INVS: variants seen among roughly 807,000 people sequenced by gnomAD.
INVS encodes inversion of embryo turning homolog.
INVS carries 86 observed loss-of-function variants against 108.8 expected under a neutral mutation model. The observed-to-expected ratio is 0.79, with a 90% CI of 0.66 to 0.95. The LOEUF (loss-of-function observed/expected upper bound fraction) is 0.95. Ranked by LOEUF, INVS falls within the 40% of genes least tolerant of loss-of-function variation. The pLI, the probability that INVS is intolerant of heterozygous loss-of-function variation, is 0.00. For missense variants in INVS, 1,169 were observed against 1,297.4 expected (o/e 0.90, Z 1.52); for synonymous variants, 455 against 473.5 (o/e 0.96, Z 0.51).
At chr9:100,159,671 C>T (rs1041829489) in intron 3 of INVS, among the ~76,000 whole-genome samples, 2 of 152,150 alleles carry the variant, frequency 1.3e-5, no homozygotes, top group Non-Finnish European at 2.9e-5. Flanking sequence ...TTTAAAATAT[C>T]TTCATCACTG....
chr9:100,152,463 T>G (rs1194578932), intron 3 of INVS, among the ~76,000 whole-genome samples: 1 of 152,216 alleles, frequency 6.6e-6, no homozygotes, highest in African/African-American at 2.4e-5. Flanking sequence ...TAAACTTCAC[T>G]AATTTAAAAA....
At chr9:100,181,369 C>G (rs1229030773) in intron 3 of INVS, among the ~76,000 whole-genome samples, 1 of 152,108 alleles carries the variant, frequency 6.6e-6, no homozygotes, top group Non-Finnish European at 1.5e-5. Flanking sequence ...TTTAGAAAAT[C>G]CCATCATCTC....
rs112093061 is a variant in INVS, at chr9:100,126,604, G to A, written c.273+55G>A. 5.1e-5 allele frequency: 77 copies of A among 1,512,152 alleles called. No homozygotes were observed. The African/African-American group carries it at 8.8e-4, about 17-fold the overall frequency. The allele number at this position is 1,512,152 out of a possible 1,614,324, so 93.7% of individuals were successfully genotyped here. On this transcript the variant is annotated intron_variant, in intron 3 of 16. Coordinates refer to ENST00000262457, the MANE Select transcript of INVS (RefSeq NM_014425.5). ...ATGTTTTGTGTGATGTCTGCTAGTT[G>A]ATTAGTGGAACTATGCAATGGACAG...
intron 3 of INVS, among the ~76,000 whole-genome samples, chr9:100,158,877 A>C (rs1048612067): frequency 6.6e-6 from 1 of 152,150 alleles, no homozygotes; most frequent in African/African-American, 2.4e-5. Flanking sequence ...TCGCTCTATT[A>C]GTTCATGTGA....
intron 3 of INVS, among the ~76,000 whole-genome samples, chr9:100,185,205 A>G (rs929353687): frequency 1.4e-5 from 2 of 144,434 alleles, no homozygotes; most frequent in African/African-American, 5.7e-5. Flanking sequence ...ATTTGTTCCA[A>G]TAATATTTTT....
intron 5 of INVS, among the ~76,000 whole-genome samples, chr9:100,230,892 C>T (rs112659124): frequency 2.0e-5 from 3 of 152,186 alleles, no homozygotes; most frequent in South Asian, 2.1e-4. Flanking sequence ...TTCCATCTTA[C>T]GAATAAGCCA....
chr9:100,153,694 G>A (rs915407099), intron 3 of INVS, among the ~76,000 whole-genome samples: 13 of 152,170 alleles, frequency 8.5e-5, no homozygotes, highest in African/African-American at 3.1e-4. Context: ...TCTGGAGACT[G>A]GGAAGTCCAA....
intron 11 of INVS, among the ~76,000 whole-genome samples, chr9:100,270,274 T>C (rs1456775560): frequency 6.6e-6 from 1 of 152,202 alleles, no homozygotes; most frequent in Non-Finnish European, 1.5e-5. Context: ...CCTCTGTATA[T>C]TTACCCAATT....
At chr9:100,145,074 A>G (rs1400378964) in intron 3 of INVS, among the ~76,000 whole-genome samples, 1 of 152,136 alleles carries the variant, frequency 6.6e-6, no homozygotes, top group Non-Finnish European at 1.5e-5. Context: ...GCATTGTAGA[A>G]GAAAATAAGT....
At position 100,200,692 on chromosome 9, in the gene INVS, A is replaced by G. The variant is rs564043499; in HGVS notation, c.274-25370A>G. On this transcript the variant is annotated intron_variant, in intron 3 of 16. Transcript: ENST00000262457. ...GCTGAAATCTCTGATCAGCTTTTCA[A>G]CTTTCCTTTTGTGGGTTTCTGCAGA... is the stretch of plus-strand genomic sequence containing the variant. Among the ~76,000 whole-genome samples, 3 of 152,266 alleles carry G rather than the reference A, an allele frequency of 2.0e-5. No homozygotes were observed. In the South Asian group the frequency reaches 6.2e-4, roughly 32 times the overall value.
At chr9:100,227,264 G>GT (rs1412985657) in intron 4 of INVS, among the ~76,000 whole-genome samples, 1 of 152,022 alleles carries the variant, frequency 6.6e-6, no homozygotes, top group East Asian at 1.9e-4. Context: ...AGCAAAAGTA[G>GT]TAAGTTAAAT....
Position 100,300,964 on chromosome 9 carries a change from A to C in INVS, c.*290A>C, listed in dbSNP as rs187284626. The C allele has an allele frequency of 5.1e-6, 2 of 395,860 alleles. No individual in the cohort carries two copies. Among genetic ancestry groups the C allele is most frequent in the Admixed American group, 8.0e-5 (2 of 24,888 alleles). 24.5% of individuals were successfully genotyped at this position (395,860 alleles called of 1,614,324 possible). A position where few individuals can be genotyped will look rare whatever the true frequency, so the allele number is the denominator to read the frequency against. On this transcript the variant is annotated 3_prime_UTR_variant, in exon 17 of 17. Coordinates refer to ENST00000262457, the MANE Select transcript of INVS (RefSeq NM_014425.5). Reference sequence around the variant, plus strand: ...ACCTCAGTCTGTACAGTTGGAAATGAGAATTCATAATTAACAGCAAAATCT... The same window carrying C: ...ACCTCAGTCTGTACAGTTGGAAATGCGAATTCATAATTAACAGCAAAATCT...
intron 2 of INVS, 37 bp from the exon 3 acceptor site, chr9:100,126,346 A>C (rs749652587): frequency 6.6e-7 from 1 of 1,512,464 alleles, no homozygotes. Context: ...AGTAATAACA[A>C]TTATCAAATA....
At chr9:100,153,437 T>C (rs1359781308) in intron 3 of INVS, among the ~76,000 whole-genome samples, 1 of 152,074 alleles carries the variant, frequency 6.6e-6, no homozygotes, top group Non-Finnish European at 1.5e-5. Flanking sequence ...TATATGAAAA[T>C]ATGCTCAATA....
chr9:100,227,931 T>G (rs1588104838), intron 4 of INVS, among the ~76,000 whole-genome samples: 2 of 152,158 alleles, frequency 1.3e-5, no homozygotes, highest in Admixed American at 1.3e-4. Flanking sequence ...TTTACTTGAG[T>G]ACACATAGTT....
chr9:100,265,728 G>A (rs911792264), intron 11 of INVS, among the ~76,000 whole-genome samples: 1 of 152,196 alleles, frequency 6.6e-6, no homozygotes, highest in Non-Finnish European at 1.5e-5. Flanking sequence ...CATGAATAAT[G>A]TAAGGTCTGG....
intron 5 of INVS, among the ~76,000 whole-genome samples, chr9:100,234,544 C>T (rs778826905): frequency 7.9e-5 from 12 of 152,094 alleles, no homozygotes; most frequent in Non-Finnish European, 1.3e-4. Context: ...AGCTGTGTCC[C>T]GCAGATTCTG....
chr9:100,147,309 A>T (rs1480925569), intron 3 of INVS, among the ~76,000 whole-genome samples: 1 of 152,234 alleles, frequency 6.6e-6, no homozygotes, highest in African/African-American at 2.4e-5. Flanking sequence ...CACTTACAAC[A>T]GAGGGCAAAT....
At chr9:100,261,971 A>C (rs1268692508) in intron 10 of INVS, among the ~76,000 whole-genome samples, 1 of 151,942 alleles carries the variant, frequency 6.6e-6, no homozygotes, top group African/African-American at 2.4e-5. Flanking sequence ...GTCAAATACT[A>C]TTTATGCATT....
Sources: allele counts gnomAD v4.1 joint callset (sites outside exome capture counted in the v4.1 genomes callset), GRCh38; gene constraint gnomAD v4.1.1; transcripts MANE v1.5; gene names NCBI Gene and HGNC (gene_info 2026-07-23, HGNC 2026-07-21).